ANKS1B: variants seen among roughly 807,000 people sequenced by gnomAD.
The protein encoded by ANKS1B is ankyrin repeat and sterile alpha motif domain-containing protein 1B.
In ANKS1B, 36 loss-of-function variants were observed where a neutral mutation model predicts 148.3. The ratio of observed to expected loss-of-function variants is 0.24; its 90% confidence interval spans 0.19 to 0.32. The LOEUF (loss-of-function observed/expected upper bound fraction) is 0.32, where lower values mean the gene tolerates loss of function less well. Ranked by LOEUF, ANKS1B falls within the 10% of genes least tolerant of loss-of-function variation. The pLI is 1.00. For synonymous variants in ANKS1B, 542 were observed against 560.8 expected (o/e 0.97, Z 0.47); for missense variants, 1,157 against 1,542.6 (o/e 0.75, Z 4.19).
At chr12:99,502,534 C>G (rs149960937) in intron 10 of ANKS1B, among the ~76,000 whole-genome samples, 18 of 152,228 alleles carry the variant, frequency 1.2e-4, no homozygotes, top group African/African-American at 3.9e-4. Context: ...CACCTCATCC[C>G]CTAGTAAAAT....
rs2099007561 is a variant in ANKS1B, at chr12:98,801,930, A to G, written c.3142-805T>C. ...CATGAGGTTAGCCTCAACCTGTTTC[A>G]TCAGTATAATAGCTTAATGTGAGCA... is the stretch of plus-strand genomic sequence containing the variant. On this transcript the variant is annotated intron_variant, in intron 20 of 26. Coordinates refer to ENST00000683438, the MANE Select transcript of ANKS1B (RefSeq NM_001352186.2). The surrounding 1 kb of genome is among the most constrained non-coding windows in gnomAD (Gnocchi z 5.2). 6.6e-6 allele frequency among the ~76,000 whole-genome samples: 1 copy of G among 152,332 alleles called. No homozygotes were observed. The highest frequency in any genetic ancestry group is 2.4e-5 in the African/African-American group (1 of 41,578).
chr12:99,237,525 T>C (rs144808608), intron 14 of ANKS1B, among the ~76,000 whole-genome samples: 55 of 152,282 alleles, frequency 3.6e-4, no homozygotes, highest in African/African-American at 1.2e-3. Flanking sequence ...AAGAGTAATA[T>C]ATAAAATAGT....
chr12:99,626,288 A>G (rs2098112423), intron 9 of ANKS1B, among the ~76,000 whole-genome samples: 1 of 152,200 alleles, frequency 6.6e-6, no homozygotes, highest in African/African-American at 2.4e-5. Context: ...ATATATTTTA[A>G]GTAGCCAGCG....
intron 1 of ANKS1B, among the ~76,000 whole-genome samples, chr12:99,909,766 C>A (rs1184633025): frequency 1.3e-5 from 2 of 151,958 alleles, no homozygotes; most frequent in Non-Finnish European, 2.9e-5. Flanking sequence ...TAAAATATTA[C>A]CTTTGCCTCT....
At chr12:99,566,479 CT>C (rs2153217565) in intron 9 of ANKS1B, among the ~76,000 whole-genome samples, 1 of 152,276 alleles carries the variant, frequency 6.6e-6, no homozygotes, top group African/African-American at 2.4e-5. Flanking sequence ...TACTAAGGGT[CT>C]GTTCATGGCA....
chr12:99,732,760 T>A (rs1380596166), intron 8 of ANKS1B, among the ~76,000 whole-genome samples: 1 of 152,132 alleles, frequency 6.6e-6, no homozygotes, highest in African/African-American at 2.4e-5. Context: ...TTTAAAAAGG[T>A]CAATAGAAGC....
rs577175610 is a variant in ANKS1B at position 99,720,347 on chromosome 12, G to A, written c.1128+52575C>T. Among the ~76,000 whole-genome samples, 27 of 152,216 alleles carry A rather than the reference G, an allele frequency of 1.8e-4. 1 individual carries two copies. The highest frequency in any genetic ancestry group is 3.9e-4 in the East Asian group (2 of 5,166). On this transcript the variant is annotated intron_variant, in intron 8 of 26. Transcript: ENST00000683438. ...CTGGATGGGTAGAGGCCTTTCCTACGGGGTCTAAGAAGGCCACCGCAGTCA... is the reference window on the plus strand; with the variant it reads ...CTGGATGGGTAGAGGCCTTTCCTACAGGGTCTAAGAAGGCCACCGCAGTCA...
rs1388744595 is a variant in ANKS1B at position 99,895,064 on chromosome 12, C to G, written c.135-69675G>C. The stretch of plus-strand genomic sequence containing the variant: ...TGTCAATTTGGCTGATCCACAGTGC[C>G]CAGATATTTGGTCAAACATGATTCT... On this transcript the variant is annotated intron_variant, in intron 1 of 26. Transcript: ENST00000683438. Among the ~76,000 whole-genome samples, 3 of 150,478 alleles carry G rather than the reference C, an allele frequency of 2.0e-5. 1 individual carries two copies. The highest frequency in any genetic ancestry group is 1.3e-4 in the Admixed American group (2 of 15,012).
At chr12:99,393,795 G>A (rs886225281) in intron 12 of ANKS1B, among the ~76,000 whole-genome samples, 7 of 152,074 alleles carry the variant, frequency 4.6e-5, no homozygotes, top group Non-Finnish European at 7.4e-5. Flanking sequence ...AGATCTTATT[G>A]ATTTTTCAGT....
chr12:98,750,933 C>T (rs542635294), intron 26 of ANKS1B, among the ~76,000 whole-genome samples: 61 of 152,322 alleles, frequency 4.0e-4, no homozygotes, highest in African/African-American at 1.3e-3. Context: ...AGCTGGGGAC[C>T]GAGGACATCA....
intron 17 of ANKS1B, among the ~76,000 whole-genome samples, chr12:98,904,781 A>G (rs896526801): frequency 6.6e-6 from 1 of 152,204 alleles, no homozygotes; most frequent in African/African-American, 2.4e-5. Context: ...AAGAGGGAGA[A>G]AGGGAAGAAA....
At chr12:99,159,962 T>G (rs560962234) in intron 14 of ANKS1B, among the ~76,000 whole-genome samples, 133 of 152,350 alleles carry the variant, frequency 8.7e-4, no homozygotes, top group African/African-American at 2.9e-3. Context: ...TGATTTGCAC[T>G]TCTCCGATGA....
chr12:98,842,244 C>T (rs892018912), intron 17 of ANKS1B, among the ~76,000 whole-genome samples: 3 of 152,110 alleles, frequency 2.0e-5, no homozygotes, highest in Non-Finnish European at 4.4e-5. Flanking sequence ...CCTAATGATA[C>T]AAAGGAATGG....
chr12:99,471,510 A>G (rs2096241784), intron 10 of ANKS1B, among the ~76,000 whole-genome samples: 1 of 151,998 alleles, frequency 6.6e-6, no homozygotes. Flanking sequence ...TATGCTCAAC[A>G]TCTATTTCTA....
intron 3 of ANKS1B, among the ~76,000 whole-genome samples, chr12:99,808,631 T>C (rs1951340058): frequency 6.6e-6 from 1 of 152,126 alleles, no homozygotes; most frequent in Admixed American, 6.6e-5. Flanking sequence ...CTTATCTGTT[T>C]TTCTTATCAG....
At chr12:99,843,981 T>A (rs968348166) in intron 1 of ANKS1B, among the ~76,000 whole-genome samples, 18 of 152,196 alleles carry the variant, frequency 1.2e-4, no homozygotes, top group South Asian at 8.3e-4. Context: ...TCGTTTAGAT[T>A]TGCATTTCTC....
At chr12:99,498,496 T>C (rs917203504) in intron 10 of ANKS1B, among the ~76,000 whole-genome samples, 1 of 152,184 alleles carries the variant, frequency 6.6e-6, no homozygotes, top group Non-Finnish European at 1.5e-5. Flanking sequence ...TAGCAAATCA[T>C]GTAGCACTTC....
chr12:99,858,806 C>T (rs2089601664), intron 1 of ANKS1B, among the ~76,000 whole-genome samples: 1 of 151,922 alleles, frequency 6.6e-6, no homozygotes, highest in South Asian at 2.1e-4. Flanking sequence ...TGTTCTCATT[C>T]ATAAGTGGGA....
chr12:99,703,102 T>A (rs934173997), intron 8 of ANKS1B, among the ~76,000 whole-genome samples: 4 of 152,144 alleles, frequency 2.6e-5, no homozygotes, highest in Admixed American at 2.0e-4. Flanking sequence ...CTAAGTTTTA[T>A]ATCTTAAAGT....
Sources: allele counts gnomAD v4.1 joint callset (sites outside exome capture counted in the v4.1 genomes callset), GRCh38; gene constraint gnomAD v4.1.1; non-coding constraint Gnocchi (gnomAD v3.1); transcripts MANE v1.5; gene names NCBI Gene and HGNC (gene_info 2026-07-23, HGNC 2026-07-21).